Variants in CNTNAP4 observed in about 807,000 individuals in gnomAD.
CNTNAP4 encodes contactin associated protein family member 4, also known as contactin-associated protein-like 4.
In CNTNAP4, 98 loss-of-function variants were observed where a neutral mutation model predicts 148.4. That is an observed-to-expected ratio of 0.66 (90% CI 0.56 to 0.78). CNTNAP4 has a LOEUF of 0.78. Ranked by LOEUF, CNTNAP4 falls within the 30% of genes least tolerant of loss-of-function variation. CNTNAP4 has a pLI of 0.00. For synonymous variants in CNTNAP4, 730 were observed against 565.1 expected (o/e 1.29, Z -4.14); for missense variants, 1,935 against 1,565.6 (o/e 1.24, Z -3.98).
chr16:76,405,371 A>C (rs888649686), intron 3 of CNTNAP4, among the ~76,000 whole-genome samples: 1 of 152,194 alleles, frequency 6.6e-6, no homozygotes, highest in Non-Finnish European at 1.5e-5. Context: ...TTCTAAATAA[A>C]TTTTAGTTGA....
At chr16:76,466,921 C>T (rs1005739676) in intron 9 of CNTNAP4, among the ~76,000 whole-genome samples, 2 of 152,000 alleles carry the variant, frequency 1.3e-5, no homozygotes, top group Non-Finnish European at 2.9e-5. Context: ...TTTATAAATA[C>T]AAAGATATTT....
At chr16:76,459,821 C>T (rs892709064) in intron 8 of CNTNAP4, among the ~76,000 whole-genome samples, 12 of 148,536 alleles carry the variant, frequency 8.1e-5, no homozygotes, top group African/African-American at 2.9e-4. Context: ...TAGATTTCAC[C>T]TCTGCTCAAC....
Position 76,531,427 on chromosome 16 carries a change from A to G in CNTNAP4, c.2756-4118A>G, listed in dbSNP as rs2083980402. Among the ~76,000 whole-genome samples the G allele has an allele frequency of 2.0e-5, 3 of 152,162 alleles. No homozygotes were observed. In the South Asian group the frequency reaches 6.2e-4, roughly 31 times the overall value. On this transcript the variant is annotated intron_variant, in intron 17 of 23. Transcript: ENST00000611870. ...TATTCAGATGCAGGCCCTCAATACC[A>G]TTGCATAAGTGGACAGGTTCAGTTA...
intron 3 of CNTNAP4, among the ~76,000 whole-genome samples, chr16:76,383,516 G>A (rs537640861): frequency 6.6e-6 from 1 of 151,732 alleles, no homozygotes; most frequent in East Asian, 1.9e-4. Context: ...AAAAGGAAGA[G>A]TGATCCATAA....
At chr16:76,487,055 A>G (rs752821145) in intron 12 of CNTNAP4, among the ~76,000 whole-genome samples, 7 of 152,322 alleles carry the variant, frequency 4.6e-5, no homozygotes, top group Non-Finnish European at 8.8e-5. Flanking sequence ...TTGGCAAGAT[A>G]ACTCCTTAAC....
At chr16:76,298,512 G>A (rs995607841) in intron 1 of CNTNAP4, among the ~76,000 whole-genome samples, 11 of 150,294 alleles carry the variant, frequency 7.3e-5, no homozygotes, top group Non-Finnish European at 1.6e-4. Context: ...GTGTGTGTGT[G>A]TGTGTGTGTG....
At chr16:76,458,522 G>T (rs1379344105) in intron 8 of CNTNAP4, among the ~76,000 whole-genome samples, 1 of 152,004 alleles carries the variant, frequency 6.6e-6, no homozygotes, top group Non-Finnish European at 1.5e-5. Flanking sequence ...GGGGTGATTT[G>T]AGACAGTGAC....
intron 17 of CNTNAP4, among the ~76,000 whole-genome samples, chr16:76,526,527 A>G (rs149011596): frequency 1.3e-5 from 2 of 152,252 alleles, no homozygotes; most frequent in East Asian, 1.9e-4. Context: ...AGGCTAAAGT[A>G]GACATGTTGA....
intron 23 of CNTNAP4, among the ~76,000 whole-genome samples, chr16:76,557,122 A>G (rs1371444219): frequency 6.6e-6 from 1 of 152,202 alleles, no homozygotes; most frequent in Non-Finnish European, 1.5e-5. Context: ...CACTGATCTT[A>G]TCAGAAAATT....
intron 3 of CNTNAP4, among the ~76,000 whole-genome samples, chr16:76,357,730 A>T (rs930465227): frequency 1.3e-5 from 2 of 152,214 alleles, no homozygotes; most frequent in African/African-American, 4.8e-5. Flanking sequence ...TACTCTTCTG[A>T]TCACTCTAAA....
chr16:76,377,382 T>C lies in CNTNAP4; in HGVS notation c.390+21871T>C, dbSNP rs144517900. Among the ~76,000 whole-genome samples, 23 of 152,106 alleles carry C rather than the reference T, an allele frequency of 1.5e-4. No homozygotes were observed. The East Asian group carries it at 4.5e-3, about 29-fold the overall frequency. The stretch of plus-strand genomic sequence containing the variant: ...GGAAAGTGTCTAAGGAAGCATGGAG[T>C]TACTGAGGCTGAAAAGCAAATAAAA... On this transcript the variant is annotated intron_variant, in intron 3 of 23. Transcript: ENST00000611870.
intron 13 of CNTNAP4, among the ~76,000 whole-genome samples, chr16:76,494,102 T>C (rs1421543429): frequency 1.3e-5 from 2 of 151,598 alleles, no homozygotes; most frequent in Non-Finnish European, 2.9e-5. Context: ...TTTTCCATGA[T>C]AGATTGGCTA....
At chr16:76,473,870 TG>T (rs11348118) in intron 10 of CNTNAP4, among the ~76,000 whole-genome samples, 109 of 5,378 alleles carry the variant, frequency 0.02, no homozygotes, top group Admixed American at 0.1. Context: ...TGTTTTGTTT[TG>T]TTTTTTAATC....
intron 17 of CNTNAP4, among the ~76,000 whole-genome samples, chr16:76,531,729 A>C (rs2083992396): frequency 6.6e-6 from 1 of 152,214 alleles, no homozygotes; most frequent in South Asian, 2.1e-4. Flanking sequence ...ACGTTTTTCA[A>C]ATAGTTACAT....
At chr16:76,535,808 A>T in intron 18 of CNTNAP4, 24 bp downstream of exon 18, 1 of 1,595,674 alleles carries the variant, frequency 6.3e-7, no homozygotes. Context: ...GGAAGACTGT[A>T]AGAGGAAAAT....
intron 3 of CNTNAP4, among the ~76,000 whole-genome samples, chr16:76,412,397 T>C (rs1446783547): frequency 6.6e-6 from 1 of 151,510 alleles, no homozygotes; most frequent in East Asian, 1.9e-4. Context: ...TCATAAAAAA[T>C]GTATATATTT....
chr16:76,373,301 A>G (rs1397673449), intron 3 of CNTNAP4, among the ~76,000 whole-genome samples: 1 of 152,100 alleles, frequency 6.6e-6, no homozygotes, highest in East Asian at 1.9e-4. Context: ...TGTGAAATAT[A>G]TTCCACATAA....
rs986644124 is a variant in CNTNAP4, at chr16:76,357,525, C to T, written c.390+2014C>T. Among the ~76,000 whole-genome samples the T allele has an allele frequency of 1.0e-3, 152 of 152,290 alleles. 2 individuals carry two copies. Among genetic ancestry groups the T allele is most frequent in the Non-Finnish European group, 1.0e-4 (7 of 68,024 alleles). On this transcript the variant is annotated intron_variant, in intron 3 of 23. Coordinates refer to ENST00000611870, the MANE Select transcript of CNTNAP4 (RefSeq NM_033401.5). The stretch of plus-strand genomic sequence containing the variant: ...GTCTATCATAATCCTGTTAAGGTAA[C>T]ATTGCTTTCTAGACTCTGCTGTAAT...
intron 8 of CNTNAP4, among the ~76,000 whole-genome samples, chr16:76,459,644 CT>C (rs2080864787): frequency 1.3e-5 from 2 of 152,286 alleles, no homozygotes; most frequent in African/African-American, 4.8e-5. Context: ...ATGTAAACTT[CT>C]TTTACATAAA....
Sources: allele counts gnomAD v4.1 joint callset (sites outside exome capture counted in the v4.1 genomes callset), GRCh38; gene constraint gnomAD v4.1.1; transcripts MANE v1.5; gene names NCBI Gene and HGNC (gene_info 2026-07-23, HGNC 2026-07-21).